USP33: variants seen among roughly 807,000 people sequenced by gnomAD.
USP33 encodes the protein ubiquitin specific peptidase 33.
In USP33, 46 loss-of-function variants were observed where a neutral mutation model predicts 124.2. That is an observed-to-expected ratio of 0.37 (90% CI 0.29 to 0.47). USP33 has a LOEUF of 0.47. USP33 is among the 20% of genes least tolerant of loss of function. USP33 has a pLI of 0.99. For synonymous variants in USP33, 350 were observed against 352.3 expected (o/e 0.99, Z 0.07); for missense variants, 851 against 1,070.6 (o/e 0.79, Z 2.86).
intron 1 of USP33, among the ~76,000 whole-genome samples, chr1:77,750,597 G>C (rs1437614688): frequency 6.8e-6 from 1 of 147,670 alleles, no homozygotes; most frequent in African/African-American, 2.5e-5. Context: ...ACTCCAGCCT[G>C]TGCAACACAG....
intron 12 of USP33, among the ~76,000 whole-genome samples, chr1:77,722,708 T>C (rs1676706609): frequency 6.6e-6 from 1 of 152,192 alleles, no homozygotes; most frequent in South Asian, 2.1e-4. Flanking sequence ...AGATTTGACT[T>C]GAGATTCTAA....
chr1:77,753,200 G>A (rs796162864), intron 1 of USP33, among the ~76,000 whole-genome samples: 13 of 152,214 alleles, frequency 8.5e-5, no homozygotes, highest in African/African-American at 3.1e-4. Context: ...CAAAAAAGGG[G>A]GTCAGGTATT....
chr1:77,714,055 C>T (rs1675589274), intron 19 of USP33, among the ~76,000 whole-genome samples: 1 of 152,124 alleles, frequency 6.6e-6, no homozygotes, highest in Non-Finnish European at 1.5e-5. Flanking sequence ...CACAAAGGTC[C>T]TATTTATTGT....
At chr1:77,705,128 G>A (rs1239777638) in intron 21 of USP33, among the ~76,000 whole-genome samples, 4 of 52,474 alleles carry the variant, frequency 7.6e-5, no homozygotes, top group African/African-American at 4.8e-4. Flanking sequence ...AAAAAAAAAA[G>A]GGGGGGGGCT....
chr1:77,728,961 A>T (rs1677475728), intron 9 of USP33, among the ~76,000 whole-genome samples: 1 of 152,242 alleles, frequency 6.6e-6, no homozygotes, highest in Middle Eastern at 3.4e-3. Context: ...GTGTTGTGGC[A>T]TGACCACAGC....
At chr1:77,759,249 C>T in intron 1 of USP33, 1 of 211,788 alleles carries the variant, frequency 4.7e-6, no homozygotes, top group Non-Finnish European at 9.3e-6. Flanking sequence ...ACCCAGGAGC[C>T]GGCGCGCTGC....
intron 14 of USP33, 30 bp from the exon 15 acceptor site, chr1:77,721,235 T>G: frequency 6.2e-7 from 1 of 1,613,376 alleles, no homozygotes; most frequent in Non-Finnish European, 8.5e-7. Flanking sequence ...GGCATTGGTT[T>G]CAAATTAACA....
chr1:77,723,650 AT>A lies in USP33; in HGVS notation c.1277-208del, dbSNP rs1234632009. 3.9e-5 allele frequency among the ~76,000 whole-genome samples: 6 copies of A among 152,168 alleles called. No homozygotes were observed. The South Asian group carries it at 1.0e-3, about 26-fold the overall frequency. On this transcript the variant is annotated intron_variant, in intron 11 of 23. Transcript: ENST00000370794. ...AGAAACTAAGCAGACAAGGCTTAAG[AT>A]ATTTGTTGTTTTTTTTTGTTTTTTT...
Position 77,731,829 on chromosome 1 carries a change from C to T in USP33, c.525-1098G>A, listed in dbSNP as rs145578231. On this transcript the variant is annotated intron_variant, in intron 7 of 23. Transcript: ENST00000370794. ...GACTCAGAATTTTGTCCCTGCCAGG[C>T]ATGGTTGGTCATGCCTGTAATTCCA... Among the ~76,000 whole-genome samples the T allele has an allele frequency of 1.5e-3, 232 of 152,250 alleles. 2 individuals are homozygous for T. The highest frequency in any genetic ancestry group is 5.3e-3 in the African/African-American group (221 of 41,552).
intron 21 of USP33, among the ~76,000 whole-genome samples, chr1:77,705,169 G>T (rs1411349406): frequency 1.3e-5 from 2 of 149,274 alleles, no homozygotes; most frequent in Admixed American, 6.7e-5. Context: ...TAATATTATA[G>T]AATAATAATA....
chr1:77,738,216 C>T (rs894280143), intron 5 of USP33, among the ~76,000 whole-genome samples: 2 of 152,072 alleles, frequency 1.3e-5, no homozygotes, highest in Non-Finnish European at 2.9e-5. Flanking sequence ...TACAAACATA[C>T]AACAGAAAAA....
chr1:77,741,752 T>C lies in USP33; in HGVS notation c.-51-4A>G, dbSNP rs1463526724. The C allele has an allele frequency of 1.9e-6, 3 of 1,567,282 alleles. No individual in the cohort carries two copies. In the African/African-American group the frequency reaches 4.1e-5, roughly 22 times the overall value. ...GACTTTCAAAATGAGGTAACACCTA[T>C]AAGAAAAGTAACACACACAAAAAAA... On this transcript the variant is annotated splice_region_variant and splice_polypyrimidine_tract_variant and intron_variant, in intron 1 of 23. Coordinates refer to ENST00000370794, the MANE Select transcript of USP33 (RefSeq NM_201624.3).
At chr1:77,736,604 T>G (rs1678480695) in intron 5 of USP33, among the ~76,000 whole-genome samples, 1 of 152,112 alleles carries the variant, frequency 6.6e-6, no homozygotes, top group Non-Finnish European at 1.5e-5. Context: ...ATTACTGTAT[T>G]TACTTTGCAC....
At chr1:77,706,073 T>C (rs1358783483) in intron 21 of USP33, among the ~76,000 whole-genome samples, 3 of 152,218 alleles carry the variant, frequency 2.0e-5, no homozygotes, top group East Asian at 1.9e-4. Flanking sequence ...GACATTTCAA[T>C]TGTTTCCAGT....
chr1:77,739,092 C>T (rs1450149603), intron 5 of USP33, among the ~76,000 whole-genome samples, 173 bp downstream of exon 5: 3 of 151,928 alleles, frequency 2.0e-5, no homozygotes, highest in African/African-American at 7.3e-5. Context: ...GCACTCTAAG[C>T]AACACAAGAA....
At chr1:77,740,086 A>G (rs1678943277) in intron 4 of USP33, among the ~76,000 whole-genome samples, 1 of 152,214 alleles carries the variant, frequency 6.6e-6, no homozygotes, top group African/African-American at 2.4e-5. Context: ...ATCTTAAAAC[A>G]AAGTCATTCG....
chr1:77,713,060 C>T, intron 20 of USP33, 140 bp downstream of exon 20: 1 of 637,268 alleles, frequency 1.6e-6, no homozygotes, highest in South Asian at 2.2e-5. Context: ...ACAAAGTCTT[C>T]CTACTCACAC....
intron 1 of USP33, among the ~76,000 whole-genome samples, chr1:77,754,807 T>C (rs763744318): frequency 1.2e-4 from 18 of 152,248 alleles, no homozygotes; most frequent in Non-Finnish European, 2.2e-4. Flanking sequence ...CTACAACCTA[T>C]GTGTTCTACA....
Position 77,714,604 on chromosome 1 carries a change from G to A in USP33, c.2215+10C>T, listed in dbSNP as rs1675657547. On this transcript the variant is annotated intron_variant, in intron 19 of 23. Transcript: ENST00000370794. Reference sequence around the variant, plus strand: ...CTTCTACTACCGGTTTGCATTACAGGAGTTCTTACCTCCATGAATACAAAG... The same window carrying A: ...CTTCTACTACCGGTTTGCATTACAGAAGTTCTTACCTCCATGAATACAAAG... The A allele has an allele frequency of 1.2e-6, 2 of 1,607,476 alleles. No individual in the cohort carries two copies. The highest frequency in any genetic ancestry group is 1.7e-6 in the Non-Finnish European group (2 of 1,178,234).
Sources: allele counts gnomAD v4.1 joint callset (sites outside exome capture counted in the v4.1 genomes callset), GRCh38; gene constraint gnomAD v4.1.1; transcripts MANE v1.5; gene names NCBI Gene and HGNC (gene_info 2026-07-23, HGNC 2026-07-21).